The following ANXA8 variants were observed in gnomAD, a reference collection of about 807,000 sequenced individuals.
The protein encoded by ANXA8 is annexin A8, also known as VAC-beta.
In ANXA8, 9 loss-of-function variants were observed where a neutral mutation model predicts 26.8. The observed-to-expected ratio is 0.34, with a 90% CI of 0.20 to 0.59. The LOEUF is 0.59. ANXA8 is among the 20% of genes least tolerant of loss of function. The pLI is 0.84. For synonymous variants in ANXA8, 39 were observed against 94.8 expected, an observed-to-expected ratio of 0.41 and a Z score of 3.42; for missense variants, 83 against 238.5, an observed-to-expected ratio of 0.35 and a Z score of 4.29.
Position 47,483,930 on chromosome 10 carries a change from C to T in ANXA8, c.4G>A (p.Ala2Thr). 1.2e-6 allele frequency: 2 copies of T among 1,611,702 alleles called. No homozygotes were observed. The highest frequency in any genetic ancestry group is 1.7e-6 in the Non-Finnish European group (2 of 1,179,844). Residue 2 changes from alanine to threonine, a missense_variant, in exon 1 of 12, where the codon GCC (alanine) becomes ACC (threonine). Ala to Thr is a moderately conservative substitution (Grantham distance 58, BLOSUM62 0). Coordinates refer to ENST00000585281, the MANE Select transcript of ANXA8 (RefSeq NM_001040084.3). ...CCACTTACCCAGGATTTCCACCAGG[C>T]CATCTCTTTCACCTCGGGGGCACCT... M[A>T]WWKSWIEQEG...
the ANXA8 span, among the ~76,000 whole-genome samples, chr10:47,497,449 C>A: frequency 1.0e-3 from 149 of 143,010 alleles, 2 homozygotes; most frequent in Non-Finnish European, 1.3e-3. Flanking sequence ...AACCCCATCT[C>A]TACTAAAATA....
At chr10:47,565,642 G>A in the ANXA8 span, 4 of 350,826 alleles carry the variant, frequency 1.1e-5, no homozygotes, top group Non-Finnish European at 2.0e-5. Context: ...TCGGCTACGC[G>A]GCTGCCGGGC....
the ANXA8 span, among the ~76,000 whole-genome samples, chr10:47,718,270 A>T: frequency 1.3e-5 from 2 of 148,290 alleles, no homozygotes; most frequent in Non-Finnish European, 1.5e-5. Flanking sequence ...CAGGAGTTGG[A>T]GACCAGCCTG....
the ANXA8 span, among the ~76,000 whole-genome samples, chr10:47,743,331 T>TATATATATACAC: frequency 1.7e-4 from 14 of 80,052 alleles, 3 homozygotes; most frequent in South Asian, 9.6e-4. Context: ...TATATATACA[T>TATATATATACAC]ATATATATAC....
chr10:47,695,687 A>G, the ANXA8 span, among the ~76,000 whole-genome samples: 1 of 151,796 alleles, frequency 6.6e-6, no homozygotes, highest in Non-Finnish European at 1.5e-5. Flanking sequence ...ACTATTGTTA[A>G]TATACGTTTA....
the ANXA8 span, among the ~76,000 whole-genome samples, chr10:47,969,725 C>A: frequency 1.3e-5 from 2 of 149,476 alleles, no homozygotes; most frequent in East Asian, 1.9e-4. Context: ...CTTCTTTTTT[C>A]TTTTCTAAGA....
At chr10:47,681,148 G>A in the ANXA8 span, among the ~76,000 whole-genome samples, 1 of 151,808 alleles carries the variant, frequency 6.6e-6, no homozygotes, top group African/African-American at 2.4e-5. Context: ...GGCAGTAGCA[G>A]GTGGAGGTGG....
At chr10:47,533,108 G>A in the ANXA8 span, among the ~76,000 whole-genome samples, 2 of 147,882 alleles carry the variant, frequency 1.4e-5, no homozygotes, top group Non-Finnish European at 3.0e-5. Flanking sequence ...AATGTACTGA[G>A]TTTCAGGAAA....
the ANXA8 span, among the ~76,000 whole-genome samples, chr10:47,979,375 T>C: frequency 6.6e-6 from 1 of 151,574 alleles, no homozygotes; most frequent in Non-Finnish European, 1.5e-5. Flanking sequence ...ATTCTTTATA[T>C]GTGTATATGG....
At chr10:47,607,200 TGG>T in the ANXA8 span, among the ~76,000 whole-genome samples, 1 of 143,854 alleles carries the variant, frequency 7.0e-6, no homozygotes, top group South Asian at 2.3e-4. Flanking sequence ...GGTGTGTATG[TGG>T]GAATTGGTTA....
the ANXA8 span, among the ~76,000 whole-genome samples, chr10:47,533,270 T>C: frequency 7.5e-6 from 1 of 133,134 alleles, no homozygotes; most frequent in Non-Finnish European, 1.6e-5. Flanking sequence ...ACCAAAAACC[T>C]GTGATCAGGA....
the ANXA8 span, chr10:47,991,736 G>C: frequency 6.2e-7 from 1 of 1,610,662 alleles, no homozygotes. Context: ...TCACGGAGAT[G>C]AAGAGACACA....
At chr10:47,497,121 A>G in the ANXA8 span, among the ~76,000 whole-genome samples, 160 of 129,192 alleles carry the variant, frequency 1.2e-3, no homozygotes, top group Middle Eastern at 5.7e-3. Context: ...AGGAGTTCAA[A>G]ACCAGCTTGA....
At chr10:47,973,920 G>T in the ANXA8 span, among the ~76,000 whole-genome samples, 1 of 151,098 alleles carries the variant, frequency 6.6e-6, no homozygotes, top group South Asian at 2.1e-4. Context: ...GTCGTTGGTA[G>T]GTTTTTTATT....
chr10:47,563,453 C>T, the ANXA8 span, among the ~76,000 whole-genome samples: 1 of 143,068 alleles, frequency 7.0e-6, no homozygotes, highest in Non-Finnish European at 1.5e-5. Flanking sequence ...TGAGCTGCTT[C>T]AAGTGTTTTT....
At chr10:47,697,053 C>A in the ANXA8 span, among the ~76,000 whole-genome samples, 1 of 151,804 alleles carries the variant, frequency 6.6e-6, no homozygotes, top group Non-Finnish European at 1.5e-5. Flanking sequence ...TTAAAAGAAG[C>A]TGTTTAATGA....
At chr10:47,669,971 A>G in the ANXA8 span, among the ~76,000 whole-genome samples, 1 of 151,766 alleles carries the variant, frequency 6.6e-6, no homozygotes, top group East Asian at 1.9e-4. Context: ...GAACTTTTCT[A>G]TCACACCAAA....
At chr10:47,706,971 A>G in the ANXA8 span, among the ~76,000 whole-genome samples, 2 of 142,324 alleles carry the variant, frequency 1.4e-5, no homozygotes, top group South Asian at 4.5e-4. Context: ...TCATATTTTC[A>G]ATTTATATAT....
At chr10:47,576,536 T>C in the ANXA8 span, among the ~76,000 whole-genome samples, 3 of 148,592 alleles carry the variant, frequency 2.0e-5, no homozygotes, top group African/African-American at 7.5e-5. Context: ...GGCTCATTGA[T>C]AACTGCAGCC....
Sources: allele counts gnomAD v4.1 joint callset (sites outside exome capture counted in the v4.1 genomes callset), GRCh38; gene constraint gnomAD v4.1.1; transcripts MANE v1.5; gene names NCBI Gene and HGNC (gene_info 2026-07-23, HGNC 2026-07-21).